FREM1: variants seen among roughly 807,000 people sequenced by gnomAD.
The protein encoded by FREM1 is FRAS1 related extracellular matrix 1.
In FREM1, 220 loss-of-function variants were observed where a neutral mutation model predicts 210.1. The ratio of observed to expected loss-of-function variants is 1.05; its 90% CI spans 0.94 to 1.17. FREM1 has a LOEUF of 1.17. Ranked by LOEUF, FREM1 falls within the 50% of genes most tolerant of loss-of-function variation. The pLI, the probability that FREM1 is intolerant of heterozygous loss-of-function variation, is 0.00. For synonymous variants in FREM1, 1,189 were observed against 980.2 expected, an observed-to-expected ratio of 1.21 and a Z score of -3.98; for missense variants, 3,454 against 2,675.5, an observed-to-expected ratio of 1.29 and a Z score of -6.42.
Position 14,842,450 on chromosome 9 carries a change from C to T in FREM1, c.1604G>A (p.Gly535Glu). ...GGATCCCTGGATCAGGATGGTCTGC[C>T]CCTCCTCCAGTTCAATCACAACATT... ...ITNVVIELEE[G>E]QTILIQGSML... The change falls in exon 9 of 37, where the codon GGG becomes GAG. Residue 535 changes from glycine (G) to glutamate (E), a missense_variant. Coordinates refer to ENST00000380880, the MANE Select transcript of FREM1 (RefSeq NM_001379081.2). 6.2e-7 allele frequency: 1 copy of T among 1,613,954 alleles called. No individual in the cohort carries two copies. The highest frequency in any genetic ancestry group is 8.5e-7 in the Non-Finnish European group (1 of 1,179,848).
At chr9:14,893,169 TTCTCTC>T (rs58771212) in intron 1 of FREM1, among the ~76,000 whole-genome samples, 1 of 150,948 alleles carries the variant, frequency 6.6e-6, no homozygotes, top group East Asian at 1.9e-4. Flanking sequence ...ACTTCTCTCT[TTCTCTC>T]TCTCTCTCTC....
At chr9:14,774,240 T>C in intron 25 of FREM1, 1 of 493,332 alleles carries the variant, frequency 2.0e-6, no homozygotes, top group South Asian at 1.5e-5. Flanking sequence ...GCAGGGTGTG[T>C]ATTAGATGGG....
chr9:14,897,519 G>C (rs551889697), intron 1 of FREM1, among the ~76,000 whole-genome samples: 10 of 151,692 alleles, frequency 6.6e-5, no homozygotes, highest in Non-Finnish European at 1.5e-4. Flanking sequence ...ATCATATACT[G>C]AGATGTAGTA....
chr9:14,746,663 G>A (rs961827513), intron 34 of FREM1, among the ~76,000 whole-genome samples, 195 bp from the exon 35 acceptor site: 3 of 152,192 alleles, frequency 2.0e-5, no homozygotes, highest in South Asian at 2.1e-4. Flanking sequence ...AGTCAGCAAC[G>A]TTTCATTGTT....
intron 9 of FREM1, 86 bp from the exon 10 acceptor site, chr9:14,841,675 C>T (rs559194271): frequency 1.9e-6 from 2 of 1,064,530 alleles, no homozygotes; most frequent in Admixed American, 2.5e-5. Flanking sequence ...CTTCAAAAGT[C>T]TTATCTGTCT....
chr9:14,871,485 C>G (rs1832669433), intron 1 of FREM1, among the ~76,000 whole-genome samples: 2 of 152,048 alleles, frequency 1.3e-5, no homozygotes, highest in South Asian at 4.1e-4. Flanking sequence ...ATCCTTCGCC[C>G]ACTTTTTGAT....
intron 24 of FREM1, among the ~76,000 whole-genome samples, chr9:14,780,037 G>A (rs1376307883): frequency 6.6e-6 from 1 of 152,100 alleles, no homozygotes; most frequent in East Asian, 1.9e-4. Flanking sequence ...GTTCATGTCT[G>A]GAAAAGCTGA....
At chr9:14,903,127 CAT>C (rs1481801608) in intron 1 of FREM1, among the ~76,000 whole-genome samples, 1 of 152,136 alleles carries the variant, frequency 6.6e-6, no homozygotes, top group Admixed American at 6.5e-5. Context: ...GAGCTTGAGA[CAT>C]AGACTATTTT....
At chr9:14,853,748 T>A (rs1828191566) in intron 5 of FREM1, among the ~76,000 whole-genome samples, 1 of 152,176 alleles carries the variant, frequency 6.6e-6, no homozygotes, top group South Asian at 2.1e-4. Context: ...TGAAGGCAGG[T>A]GAACGATACT....
intron 6 of FREM1, among the ~76,000 whole-genome samples, chr9:14,849,830 A>G (rs1002159137): frequency 6.6e-6 from 1 of 152,212 alleles, no homozygotes; most frequent in Non-Finnish European, 1.5e-5. Context: ...TACATTATAC[A>G]ATGCCAGAAA....
chr9:14,847,568 G>A (rs1002830479), intron 7 of FREM1, among the ~76,000 whole-genome samples: 2 of 152,036 alleles, frequency 1.3e-5, no homozygotes, highest in African/African-American at 4.8e-5. Context: ...GCACAGCAGA[G>A]GAACAATCGA....
At chr9:14,887,979 G>C (rs1836116630) in intron 1 of FREM1, among the ~76,000 whole-genome samples, 1 of 152,066 alleles carries the variant, frequency 6.6e-6, no homozygotes, top group Non-Finnish European at 1.5e-5. Context: ...CATATTTTTA[G>C]TAGAGACAGG....
At chr9:14,832,243 C>CT (rs1480249611) in intron 10 of FREM1, among the ~76,000 whole-genome samples, 1 of 152,204 alleles carries the variant, frequency 6.6e-6, no homozygotes, top group East Asian at 1.9e-4. Flanking sequence ...TTCAAGTTCC[C>CT]TTCTCATTGC....
chr9:14,835,344 T>C (rs1019234920), intron 10 of FREM1, among the ~76,000 whole-genome samples: 1 of 152,258 alleles, frequency 6.6e-6, no homozygotes, highest in African/African-American at 2.4e-5. Flanking sequence ...TAAGTACTCT[T>C]ATGGCAATAC....
chr9:14,746,789 T>C, intron 34 of FREM1, 134 bp downstream of exon 34: 2 of 1,101,218 alleles, frequency 1.8e-6, no homozygotes, highest in South Asian at 3.5e-5. Context: ...TTTTTTCCTC[T>C]TGGCCTTCAA....
At chr9:14,833,403 G>A (rs11506374) in intron 10 of FREM1, among the ~76,000 whole-genome samples, 8,887 of 152,234 alleles carry the variant, frequency 0.058, 332 homozygotes, top group South Asian at 0.11. Flanking sequence ...AGTCGGTTCA[G>A]CCTACACCCA....
At chr9:14,888,803 C>A (rs1836267104) in intron 1 of FREM1, among the ~76,000 whole-genome samples, 1 of 152,078 alleles carries the variant, frequency 6.6e-6, no homozygotes, top group Non-Finnish European at 1.5e-5. Context: ...ATCATCGAGG[C>A]CATATTCTTC....
At chr9:14,798,884 G>A (rs1012537696) in intron 20 of FREM1, among the ~76,000 whole-genome samples, 11 of 151,982 alleles carry the variant, frequency 7.2e-5, no homozygotes, top group African/African-American at 2.7e-4. Context: ...ATGTTGGCCA[G>A]GCTGGTCTCG....
At chr9:14,756,546 A>G (rs370328375) in intron 28 of FREM1, 100 bp from the exon 29 acceptor site, 4 of 802,934 alleles carry the variant, frequency 5.0e-6, no homozygotes, top group East Asian at 5.8e-5. Flanking sequence ...ATGCTCTTAA[A>G]TCTGTTTTTA....
Sources: gnomAD v4.1 joint callset for allele counts (sites outside exome capture counted in the v4.1 genomes callset) on GRCh38, gnomAD v4.1.1 for gene constraint, MANE v1.5 for transcripts, NCBI Gene and HGNC (gene_info 2026-07-23, HGNC 2026-07-21) for gene names.